PPP3CC: variants seen among roughly 807,000 people sequenced by gnomAD.
PPP3CC encodes the protein protein phosphatase 3 catalytic subunit gamma, also known as serine/threonine-protein phosphatase 2B catalytic subunit gamma isoform.
A neutral mutation model predicts 60.3 loss-of-function variants in PPP3CC; 35 were observed. The ratio of observed to expected loss-of-function variants is 0.58; its 90% CI spans 0.44 to 0.77. PPP3CC has a LOEUF of 0.77. PPP3CC is among the 30% of genes least tolerant of loss of function. PPP3CC has a pLI of 0.00. For synonymous variants in PPP3CC, 206 were observed against 224.3 expected, an observed-to-expected ratio of 0.92 and a Z score of 0.73; for missense variants, 570 against 628.9, an observed-to-expected ratio of 0.91 and a Z score of 1.00.
At chr8:22,527,183 A>G (rs1839581118) in intron 8 of PPP3CC, among the ~76,000 whole-genome samples, 1 of 152,240 alleles carries the variant, frequency 6.6e-6, no homozygotes, top group South Asian at 2.1e-4. Flanking sequence ...TGAGCTCTTC[A>G]GGTAACTTTG....
At chr8:22,495,590 G>A (rs1173585313) in intron 3 of PPP3CC, among the ~76,000 whole-genome samples, 3 of 151,704 alleles carry the variant, frequency 2.0e-5, no homozygotes, top group Admixed American at 2.0e-4. Context: ...TTTTGGGATG[G>A]AGTTTCTCTC....
intron 8 of PPP3CC, among the ~76,000 whole-genome samples, chr8:22,526,311 C>T (rs913017353): frequency 2.6e-5 from 4 of 152,184 alleles, no homozygotes; most frequent in African/African-American, 9.7e-5. Flanking sequence ...CAGTCATTCA[C>T]TGTTGAGACT....
At chr8:22,511,341 G>A (rs570708279) in intron 5 of PPP3CC, 110 bp downstream of exon 5, 13 of 1,195,284 alleles carry the variant, frequency 1.1e-5, no homozygotes, top group Admixed American at 2.3e-5. Context: ...CCGGGCTGAA[G>A]TACAGTGGTG....
intron 1 of PPP3CC, among the ~76,000 whole-genome samples, chr8:22,470,528 A>G (rs907542858): frequency 2.0e-5 from 3 of 152,226 alleles, no homozygotes; most frequent in African/African-American, 7.2e-5. Context: ...CTGATAAAGG[A>G]CATGTACCCA....
intron 3 of PPP3CC, among the ~76,000 whole-genome samples, chr8:22,495,738 T>C (rs1838557731): frequency 6.6e-6 from 1 of 152,090 alleles, no homozygotes; most frequent in African/African-American, 2.4e-5. Context: ...TTTGTATTTT[T>C]AGTAGAGAAG....
At chr8:22,493,051 A>G in intron 3 of PPP3CC, 1 of 1,431,088 alleles carries the variant, frequency 7.0e-7, no homozygotes, top group Non-Finnish European at 9.8e-7. Flanking sequence ...GCTCTTGTGG[A>G]GAATTTTGAT....
chr8:22,455,631 C>T (rs1837173610), intron 1 of PPP3CC, among the ~76,000 whole-genome samples: 1 of 152,188 alleles, frequency 6.6e-6, no homozygotes, highest in South Asian at 2.1e-4. Context: ...TTATGGAAAA[C>T]ATATGCCACT....
At chr8:22,524,958 G>A (rs1839499759) in intron 8 of PPP3CC, among the ~76,000 whole-genome samples, 1 of 152,098 alleles carries the variant, frequency 6.6e-6, no homozygotes, top group Admixed American at 6.6e-5. Context: ...GACCAGCCTG[G>A]GCAGCAAAAT....
intron 3 of PPP3CC, among the ~76,000 whole-genome samples, chr8:22,482,607 C>T (rs1586819451): frequency 1.3e-5 from 2 of 152,130 alleles, no homozygotes; most frequent in South Asian, 4.1e-4. Context: ...GAAGTCTTTG[C>T]CCATGCCTAT....
intron 1 of PPP3CC, among the ~76,000 whole-genome samples, chr8:22,463,386 T>A (rs1837420619): frequency 6.6e-6 from 1 of 152,220 alleles, no homozygotes; most frequent in Non-Finnish European, 1.5e-5. Flanking sequence ...GATACAAACA[T>A]TTACAAAAGT....
At chr8:22,492,355 C>T (rs575839131) in intron 3 of PPP3CC, among the ~76,000 whole-genome samples, 2 of 152,224 alleles carry the variant, frequency 1.3e-5, no homozygotes, top group East Asian at 3.9e-4. Flanking sequence ...AATGTGAAGG[C>T]CTAAGACATT....
chr8:22,447,197 T>G (rs1439182934), intron 1 of PPP3CC, among the ~76,000 whole-genome samples: 3 of 121,326 alleles, frequency 2.5e-5, no homozygotes, highest in Admixed American at 1.7e-4. Flanking sequence ...TTTTTTTTTT[T>G]GTGACAGAGT....
At chr8:22,445,174 C>G (rs987715146) in intron 1 of PPP3CC, among the ~76,000 whole-genome samples, 1 of 152,176 alleles carries the variant, frequency 6.6e-6, no homozygotes, top group African/African-American at 2.4e-5. Context: ...GCTACTGTTT[C>G]TTTAATATCG....
intron 12 of PPP3CC, 23 bp downstream of exon 12, chr8:22,533,041 A>G (rs889419768): frequency 1.9e-5 from 28 of 1,512,994 alleles, no homozygotes; most frequent in Non-Finnish European, 2.2e-5. Flanking sequence ...GTGCTCCTCC[A>G]TGGAAGGTGT....
intron 3 of PPP3CC, among the ~76,000 whole-genome samples, chr8:22,490,371 A>G (rs899638896): frequency 6.6e-6 from 1 of 152,138 alleles, no homozygotes; most frequent in East Asian, 1.9e-4. Flanking sequence ...ACACTTTGAG[A>G]TGAATGTGAC....
chr8:22,507,688 A>T (rs1838964019), intron 4 of PPP3CC, among the ~76,000 whole-genome samples: 1 of 152,190 alleles, frequency 6.6e-6, no homozygotes, highest in Admixed American at 6.5e-5. Flanking sequence ...TATTCTGCAT[A>T]TTTTACATAA....
chr8:22,457,809 C>T (rs545067248), intron 1 of PPP3CC, among the ~76,000 whole-genome samples: 19 of 152,330 alleles, frequency 1.2e-4, no homozygotes, highest in African/African-American at 4.1e-4. Context: ...TTGTATATTT[C>T]GGCCGGGCGC....
At chr8:22,492,476 T>C (rs528577669) in intron 3 of PPP3CC, among the ~76,000 whole-genome samples, 1 of 152,244 alleles carries the variant, frequency 6.6e-6, no homozygotes, top group African/African-American at 2.4e-5. Context: ...TATTGTAACT[T>C]TTTACTTTAT....
At chr8:22,480,448 G>A (rs1407637693) in intron 3 of PPP3CC, among the ~76,000 whole-genome samples, 1 of 151,974 alleles carries the variant, frequency 6.6e-6, no homozygotes, top group Non-Finnish European at 1.5e-5. Context: ...GCTTTCCAGG[G>A]GCTGAACTGG....
Sources: gnomAD v4.1 joint callset for allele counts (sites outside exome capture counted in the v4.1 genomes callset) on GRCh38, gnomAD v4.1.1 for gene constraint, MANE v1.5 for transcripts, NCBI Gene and HGNC (gene_info 2026-07-23, HGNC 2026-07-21) for gene names.